The following GRIK1 variants were observed in gnomAD, a reference collection of about 807,000 sequenced individuals.
GRIK1 encodes glutamate ionotropic receptor kainate type subunit 1.
In GRIK1, 69 loss-of-function variants were observed where a neutral mutation model predicts 105.7. That is an observed-to-expected ratio of 0.65 (90% confidence interval 0.54 to 0.80). The LOEUF is 0.80. GRIK1 is among the 30% of genes least tolerant of loss of function. The probability of loss-of-function intolerance (pLI) is 0.00; values close to 1 mark genes in which losing one functional copy is unlikely to be tolerated. For synonymous variants in GRIK1, 438 were observed against 431.3 expected (o/e 1.02, Z -0.19); for missense variants, 1,109 against 1,167.3 (o/e 0.95, Z 0.73).
chr21:29,694,117 A>ATTTTTTTTTTTTTTTTTTTTTTTTTTTT (rs11434895), intron 1 of GRIK1, 54 bp from the exon 2 acceptor site: 1 of 371,132 alleles, frequency 2.7e-6, no homozygotes, highest in Non-Finnish European at 4.6e-6. Context: ...TTCACATGTA[A>ATTTTTTTTTTTTTTTTTTTTTTTTTTTT]TTTTTTTTTT....
chr21:29,682,934 A>AC (rs1209067621), intron 3 of GRIK1, among the ~76,000 whole-genome samples: 1 of 115,772 alleles, frequency 8.6e-6, no homozygotes, highest in African/African-American at 4.9e-5. Context: ...ATCAACAAAC[A>AC]AAAAAAAACC....
intron 1 of GRIK1, among the ~76,000 whole-genome samples, chr21:29,896,928 C>A (rs2070188809): frequency 6.6e-6 from 1 of 152,136 alleles, no homozygotes; most frequent in Admixed American, 6.6e-5. Flanking sequence ...TTGTCAAGGG[C>A]ACTTTGTAGC....
intron 14 of GRIK1, among the ~76,000 whole-genome samples, chr21:29,571,923 TG>T: frequency 6.6e-6 from 1 of 152,208 alleles, no homozygotes; most frequent in East Asian, 1.9e-4. Context: ...GCAAATGACT[TG>T]TGCTCCAAAA....
chr21:29,883,301 A>C (rs959542373), intron 1 of GRIK1, among the ~76,000 whole-genome samples: 2 of 152,122 alleles, frequency 1.3e-5, no homozygotes, highest in Admixed American at 1.3e-4. Context: ...TAGAACTGAT[A>C]ATAAGTGCAA....
chr21:29,649,173 CT>C, intron 6 of GRIK1, among the ~76,000 whole-genome samples: 1 of 152,200 alleles, frequency 6.6e-6, no homozygotes, highest in South Asian at 2.1e-4. Context: ...AAAGCAGACT[CT>C]TTGGATAAAA....
At chr21:29,673,575 G>T (rs907066910) in intron 3 of GRIK1, among the ~76,000 whole-genome samples, 2 of 152,218 alleles carry the variant, frequency 1.3e-5, no homozygotes, top group Admixed American at 6.5e-5. Context: ...ATTTGTCTAG[G>T]CTATAAACTT....
At chr21:29,861,400 G>A (rs2068632249) in intron 1 of GRIK1, among the ~76,000 whole-genome samples, 1 of 152,046 alleles carries the variant, frequency 6.6e-6, no homozygotes, top group Non-Finnish European at 1.5e-5. Context: ...CTGCTACCTG[G>A]GCTCAAGTGA....
At chr21:29,580,946 A>G (rs2146256951) in intron 13 of GRIK1, among the ~76,000 whole-genome samples, 1 of 152,268 alleles carries the variant, frequency 6.6e-6, no homozygotes, top group Non-Finnish European at 1.5e-5. Context: ...GGAGATTGTG[A>G]AAAGTTACTG....
chr21:29,863,657 C>T (rs2068716450), intron 1 of GRIK1, among the ~76,000 whole-genome samples: 1 of 152,038 alleles, frequency 6.6e-6, no homozygotes, highest in South Asian at 2.1e-4. Context: ...TGTCATTCTT[C>T]CAATGTTGTT....
At chr21:29,598,034 TC>T (rs1457851742) in intron 8 of GRIK1, among the ~76,000 whole-genome samples, 5 of 152,218 alleles carry the variant, frequency 3.3e-5, no homozygotes, top group Non-Finnish European at 5.9e-5. Flanking sequence ...TATAGAGTTT[TC>T]TGTTGAGGTG....
chr21:29,617,499 A>G (rs1342107938), intron 7 of GRIK1, among the ~76,000 whole-genome samples: 2 of 152,232 alleles, frequency 1.3e-5, no homozygotes, highest in Non-Finnish European at 2.9e-5. Context: ...TAAAAGATGC[A>G]TGTTATGTGC....
intron 4 of GRIK1, among the ~76,000 whole-genome samples, chr21:29,669,062 T>C (rs2063115694): frequency 6.6e-6 from 1 of 152,206 alleles, no homozygotes; most frequent in Non-Finnish European, 1.5e-5. Context: ...AAGCCCTATC[T>C]TCTGTAGCCT....
chr21:29,683,552 T>A (rs2063422571), intron 3 of GRIK1, among the ~76,000 whole-genome samples: 1 of 152,168 alleles, frequency 6.6e-6, no homozygotes, highest in African/African-American at 2.4e-5. Flanking sequence ...ATGATCTTAC[T>A]TATAAGTGAA....
At chr21:29,911,883 T>C (rs910748624) in intron 1 of GRIK1, among the ~76,000 whole-genome samples, 3 of 152,100 alleles carry the variant, frequency 2.0e-5, no homozygotes, top group African/African-American at 7.2e-5. Context: ...AGCTACCTGG[T>C]CTATGGTCAT....
chr21:29,731,334 C>G (rs2064621031), intron 1 of GRIK1, among the ~76,000 whole-genome samples: 1 of 152,228 alleles, frequency 6.6e-6, no homozygotes, highest in African/African-American at 2.4e-5. Flanking sequence ...CCCCAAAAAA[C>G]TGTTGCCATA....
chr21:29,876,656 T>A (rs1002477756), intron 1 of GRIK1, among the ~76,000 whole-genome samples: 1 of 152,226 alleles, frequency 6.6e-6, no homozygotes, highest in Non-Finnish European at 1.5e-5. Flanking sequence ...CACGTAGTTA[T>A]GCTTTTAGGC....
chr21:29,889,244 T>A (rs2069800025), intron 1 of GRIK1, among the ~76,000 whole-genome samples: 1 of 152,108 alleles, frequency 6.6e-6, no homozygotes. Flanking sequence ...ACAATGAGAG[T>A]AATATATGTT....
chr21:29,855,865 A>AT (rs984434548), intron 1 of GRIK1, among the ~76,000 whole-genome samples: 21 of 151,748 alleles, frequency 1.4e-4, no homozygotes, highest in African/African-American at 4.1e-4. Context: ...AATGGGAGAG[A>AT]TTTTTTTTTC....
rs144507290 is a variant in GRIK1, at chr21:29,855,102, T to C, written c.118+84281A>G. Among the ~76,000 whole-genome samples the C allele has an allele frequency of 3.4e-3, 514 of 152,310 alleles. 2 individuals carry two copies. Among genetic ancestry groups the C allele is most frequent in the African/African-American group, 0.012 (484 of 41,574 alleles). On this transcript the variant is annotated intron_variant, in intron 1 of 17. Transcript: ENST00000327783. Reference sequence around the variant, plus strand: ...CTGAACTTGGGCTCTAGATCTGACATCATAGACAGTCATCTTGTAGTCTCA... The same window carrying C: ...CTGAACTTGGGCTCTAGATCTGACACCATAGACAGTCATCTTGTAGTCTCA...
Sources: gnomAD v4.1 joint callset for allele counts (sites outside exome capture counted in the v4.1 genomes callset) on GRCh38, gnomAD v4.1.1 for gene constraint, MANE v1.5 for transcripts, NCBI Gene and HGNC (gene_info 2026-07-23, HGNC 2026-07-21) for gene names.